The following ODAD2 variants were observed in gnomAD, a reference collection of about 807,000 sequenced individuals.
ODAD2 encodes outer dynein arm docking complex subunit 2.
A neutral mutation model predicts 106.8 loss-of-function variants in ODAD2; 89 were observed. That is an observed-to-expected ratio of 0.83 (90% confidence interval 0.70 to 0.99). The LOEUF (loss-of-function observed/expected upper bound fraction) is 0.99. Among genes scored for constraint, ODAD2 ranks in the 50% least tolerant of loss-of-function variants. The pLI is 0.00. For synonymous variants in ODAD2, 404 were observed against 436.2 expected, an observed-to-expected ratio of 0.93 and a Z score of 0.92; for missense variants, 1,168 against 1,238.5, an observed-to-expected ratio of 0.94 and a Z score of 0.85.
intron 19 of ODAD2, among the ~76,000 whole-genome samples, chr10:27,842,674 C>T (rs1838398771): frequency 6.6e-6 from 1 of 152,108 alleles, no homozygotes; most frequent in African/African-American, 2.4e-5. Flanking sequence ...TAATTCCCCA[C>T]AGTAAAATCT....
At chr10:27,946,374 G>A (rs1259837678) in intron 10 of ODAD2, among the ~76,000 whole-genome samples, 2 of 151,376 alleles carry the variant, frequency 1.3e-5, no homozygotes, top group Non-Finnish European at 2.9e-5. Context: ...AACACAATAG[G>A]TCAAGTTTTT....
At chr10:27,965,793 A>G (rs573687085) in intron 9 of ODAD2, among the ~76,000 whole-genome samples, 2 of 152,332 alleles carry the variant, frequency 1.3e-5, no homozygotes, top group East Asian at 3.9e-4. Context: ...CAAAAATTGA[A>G]TTAGTGGAAT....
intron 5 of ODAD2, 29 bp downstream of exon 5, chr10:27,984,155 C>T: frequency 2.6e-6 from 4 of 1,553,100 alleles, no homozygotes; most frequent in Non-Finnish European, 3.5e-6. Context: ...ATGTAAATAA[C>T]ATAAAATGAG....
intron 17 of ODAD2, among the ~76,000 whole-genome samples, chr10:27,868,146 G>A (rs1038200155): frequency 4.6e-5 from 7 of 152,198 alleles, no homozygotes; most frequent in Non-Finnish European, 8.8e-5. Flanking sequence ...TCTCATGCCA[G>A]TGAGAATGAC....
chr10:27,945,780 A>G lies in ODAD2; in HGVS notation c.1387-818T>C, dbSNP rs1485172135. ...CTGCTTTGAAAATCTTCTAAGGAGT[A>G]GTGCATATTACCACTACTGCTATTC... On this transcript the variant is annotated intron_variant, in intron 10 of 19. Coordinates refer to ENST00000305242, the MANE Select transcript of ODAD2 (RefSeq NM_018076.5). 2.6e-5 allele frequency among the ~76,000 whole-genome samples: 4 copies of G among 152,350 alleles called. No homozygotes were observed. In the East Asian group the frequency reaches 7.7e-4, roughly 29 times the overall value.
chr10:27,985,311 G>C, intron 3 of ODAD2, 100 bp from the exon 4 acceptor site: 1 of 998,874 alleles, frequency 1.0e-6, no homozygotes, highest in Non-Finnish European at 1.4e-6. Context: ...CCATTCAGAC[G>C]TGTTTCTTTC....
chr10:27,851,559 G>A (rs780878255), intron 19 of ODAD2, among the ~76,000 whole-genome samples: 67 of 151,640 alleles, frequency 4.4e-4, no homozygotes, highest in Non-Finnish European at 7.5e-4. Flanking sequence ...CACACTAGAT[G>A]GCAATAAAGG....
chr10:27,841,417 T>C (rs1290151802), intron 19 of ODAD2, among the ~76,000 whole-genome samples: 1 of 152,088 alleles, frequency 6.6e-6, no homozygotes, highest in Non-Finnish European at 1.5e-5. Context: ...TATTTTTTTT[T>C]CGGAGTCTTG....
At chr10:27,943,188 T>C (rs144934164) in intron 12 of ODAD2, among the ~76,000 whole-genome samples, 46 of 152,318 alleles carry the variant, frequency 3.0e-4, no homozygotes, top group Non-Finnish European at 4.9e-4. Flanking sequence ...TTCCTAATGA[T>C]GGCAAAGGTG....
At chr10:27,917,961 C>T (rs976875669) in intron 16 of ODAD2, among the ~76,000 whole-genome samples, 7 of 151,382 alleles carry the variant, frequency 4.6e-5, no homozygotes, top group African/African-American at 1.5e-4. Flanking sequence ...CCAAAACTGA[C>T]CCAAGAAGGA....
At chr10:27,993,327 C>T (rs561675787) in intron 2 of ODAD2, among the ~76,000 whole-genome samples, 1 of 152,276 alleles carries the variant, frequency 6.6e-6, no homozygotes, top group South Asian at 2.1e-4. Flanking sequence ...ACCACTGGCA[C>T]AGTTAGAAAT....
chr10:27,864,303 T>C (rs1840276332), intron 17 of ODAD2, among the ~76,000 whole-genome samples: 2 of 149,906 alleles, frequency 1.3e-5, no homozygotes, highest in South Asian at 4.3e-4. Flanking sequence ...GGTTTGGTTT[T>C]CTTGGGGTGG....
At chr10:27,924,340 T>C (rs1845086163) in intron 16 of ODAD2, among the ~76,000 whole-genome samples, 1 of 151,652 alleles carries the variant, frequency 6.6e-6, no homozygotes, top group Non-Finnish European at 1.5e-5. Flanking sequence ...AAAATGATGA[T>C]AATGAAAGTA....
At chr10:27,920,376 A>G (rs1228129309) in intron 16 of ODAD2, among the ~76,000 whole-genome samples, 1 of 152,174 alleles carries the variant, frequency 6.6e-6, no homozygotes, top group East Asian at 1.9e-4. Context: ...TGAGAAGCCC[A>G]CTCACAGTAA....
chr10:27,983,001 A>C (rs1370919803), intron 6 of ODAD2, among the ~76,000 whole-genome samples: 1 of 152,198 alleles, frequency 6.6e-6, no homozygotes, highest in Non-Finnish European at 1.5e-5. Context: ...GAATCAGCTA[A>C]AGGAAGACTG....
chr10:27,948,522 A>T (rs1226016088), intron 10 of ODAD2, among the ~76,000 whole-genome samples: 1 of 152,000 alleles, frequency 6.6e-6, no homozygotes, highest in Admixed American at 6.6e-5. Flanking sequence ...ATGCAAATAC[A>T]CTCCTTTTTC....
At position 27,939,598 on chromosome 10, in the gene ODAD2, C is replaced by T. The variant is rs576405198; in HGVS notation, c.2097+299G>A. Among the ~76,000 whole-genome samples, 4 of 151,958 alleles carry T rather than the reference C, an allele frequency of 2.6e-5. No homozygotes were observed. The East Asian group carries it at 5.8e-4, about 22-fold the overall frequency. On this transcript the variant is annotated intron_variant, in intron 14 of 19. Transcript: ENST00000305242. ...AACAATTAGCCCTACATTAGCCAGG[C>T]ATGGTGGTAAACACCTGAAGTGCCG...
intron 10 of ODAD2, among the ~76,000 whole-genome samples, chr10:27,960,195 G>A (rs1466355660): frequency 6.6e-6 from 1 of 151,648 alleles, no homozygotes; most frequent in Non-Finnish European, 1.5e-5. Flanking sequence ...ATTTTGCATT[G>A]ATGTTGGTAA....
intron 16 of ODAD2, among the ~76,000 whole-genome samples, chr10:27,909,817 G>GAAA (rs35449629): frequency 0.011 from 599 of 56,320 alleles, 72 homozygotes; most frequent in African/African-American, 0.037. Flanking sequence ...GTCTTCATTT[G>GAAA]AAAAAAAAAA....
Sources: allele counts gnomAD v4.1 joint callset (sites outside exome capture counted in the v4.1 genomes callset), GRCh38; gene constraint gnomAD v4.1.1; transcripts MANE v1.5; gene names NCBI Gene and HGNC (gene_info 2026-07-23, HGNC 2026-07-21).